PLXNA4: variants seen among roughly 807,000 people sequenced by gnomAD.
PLXNA4 encodes the protein plexin-A4.
In PLXNA4, 44 loss-of-function variants were observed where a neutral mutation model predicts 191.8. The ratio of observed to expected loss-of-function variants is 0.23; its 90% CI spans 0.18 to 0.29. The LOEUF is 0.29. Among genes scored for constraint, PLXNA4 ranks in the 10% least tolerant of loss-of-function variants. PLXNA4 has a pLI of 1.00. For synonymous variants in PLXNA4, 1,082 were observed against 1,009.5 expected (o/e 1.07, Z -1.36); for missense variants, 1,800 against 2,488.8 (o/e 0.72, Z 5.89).
chr7:132,209,708 G>A (rs967617391), intron 10 of PLXNA4, among the ~76,000 whole-genome samples: 8 of 152,130 alleles, frequency 5.3e-5, no homozygotes, highest in Admixed American at 1.3e-4. Flanking sequence ...TGCAGGAAGA[G>A]TAGAGTGTCC....
At chr7:132,531,917 T>C (rs1799629882) in intron 1 of PLXNA4, among the ~76,000 whole-genome samples, 1 of 152,232 alleles carries the variant, frequency 6.6e-6, no homozygotes, top group South Asian at 2.1e-4. Flanking sequence ...GAATCACTAA[T>C]ATACAGAATC....
chr7:132,561,172 C>T (rs1801023206), intron 1 of PLXNA4, among the ~76,000 whole-genome samples: 1 of 152,044 alleles, frequency 6.6e-6, no homozygotes. Context: ...GCTGTGCTCT[C>T]ACCTCTCTGT....
intron 4 of PLXNA4, among the ~76,000 whole-genome samples, chr7:132,270,381 AT>A (rs1293184705): frequency 6.6e-6 from 1 of 152,224 alleles, no homozygotes; most frequent in Non-Finnish European, 1.5e-5. Flanking sequence ...TATTCAATAT[AT>A]CCCCTGAGGG....
intron 4 of PLXNA4, among the ~76,000 whole-genome samples, chr7:132,267,883 G>T (rs984073676): frequency 6.6e-6 from 1 of 152,100 alleles, no homozygotes; most frequent in African/African-American, 2.4e-5. Flanking sequence ...TTAGCAGCAG[G>T]ACCTTGGCCA....
intron 3 of PLXNA4, among the ~76,000 whole-genome samples, chr7:132,482,986 CG>C (rs1048018610): frequency 2.8e-4 from 42 of 152,088 alleles, no homozygotes; most frequent in Non-Finnish European, 6.2e-4. Flanking sequence ...CCACCGCGCC[CG>C]GCCGAGAGAC....
At chr7:132,183,701 T>A (rs182645064) in intron 16 of PLXNA4, among the ~76,000 whole-genome samples, 60 of 152,344 alleles carry the variant, frequency 3.9e-4, no homozygotes, top group Admixed American at 7.8e-4. Flanking sequence ...CAGACGATTT[T>A]CCCCTCTCTG....
chr7:132,373,945 G>T (rs1260627800), intron 3 of PLXNA4, among the ~76,000 whole-genome samples: 1 of 152,138 alleles, frequency 6.6e-6, no homozygotes, highest in Non-Finnish European at 1.5e-5. Context: ...ATATATAAGA[G>T]AGGATTCCAA....
At chr7:132,197,243 G>T (rs965381652) in intron 13 of PLXNA4, among the ~76,000 whole-genome samples, 8 of 152,032 alleles carry the variant, frequency 5.3e-5, no homozygotes, top group African/African-American at 1.9e-4. Context: ...GTGTAATGTG[G>T]AATAAGGATC....
intron 3 of PLXNA4, among the ~76,000 whole-genome samples, chr7:132,313,749 A>G (rs1801838237): frequency 6.6e-6 from 1 of 152,088 alleles, no homozygotes; most frequent in Admixed American, 6.5e-5. Flanking sequence ...AGGACAATTG[A>G]GTCACTGTCA....
intron 4 of PLXNA4, among the ~76,000 whole-genome samples, chr7:132,269,585 A>G (rs1211599117): frequency 6.6e-6 from 1 of 152,160 alleles, no homozygotes; most frequent in Non-Finnish European, 1.5e-5. Context: ...TGCAGATGCA[A>G]TCCTACTGTA....
chr7:132,160,612 G>A (rs113436390), intron 24 of PLXNA4, among the ~76,000 whole-genome samples: 4 of 152,100 alleles, frequency 2.6e-5, no homozygotes, highest in Admixed American at 6.5e-5. Flanking sequence ...GAGAGGCTGG[G>A]CATCCTAGGG....
chr7:132,205,896 G>A (rs912552806), intron 10 of PLXNA4, among the ~76,000 whole-genome samples: 1 of 152,200 alleles, frequency 6.6e-6, no homozygotes, highest in Non-Finnish European at 1.5e-5. Flanking sequence ...CCCCTCTCAG[G>A]AAGGACCTGA....
intron 4 of PLXNA4, among the ~76,000 whole-genome samples, chr7:132,294,388 G>A (rs990061376): frequency 2.0e-5 from 3 of 152,230 alleles, no homozygotes; most frequent in African/African-American, 7.2e-5. Context: ...GGCAGGTGAT[G>A]AGCTTGGACA....
At chr7:132,136,821 T>C (rs993848678) in intron 30 of PLXNA4, among the ~76,000 whole-genome samples, 1 of 152,184 alleles carries the variant, frequency 6.6e-6, no homozygotes, top group Admixed American at 6.5e-5. Context: ...GAGTGAAAGA[T>C]ATTTCCAGCC....
chr7:132,284,464 G>C (rs1378570490), intron 4 of PLXNA4, among the ~76,000 whole-genome samples: 1 of 152,174 alleles, frequency 6.6e-6, no homozygotes, highest in Non-Finnish European at 1.5e-5. Context: ...GATTAAAAGG[G>C]GTTTTGAGGG....
intron 3 of PLXNA4, among the ~76,000 whole-genome samples, chr7:132,424,921 C>CT (rs1187275799): frequency 6.6e-6 from 1 of 152,234 alleles, no homozygotes; most frequent in Non-Finnish European, 1.5e-5. Context: ...CTCACCCATC[C>CT]TCCCAGGAAG....
intron 3 of PLXNA4, among the ~76,000 whole-genome samples, chr7:132,370,953 T>A (rs1804413607): frequency 1.3e-5 from 2 of 152,190 alleles, no homozygotes; most frequent in Admixed American, 6.5e-5. Flanking sequence ...CTGGTTGGCA[T>A]GAGCACCTGA....
At chr7:132,479,728 C>T (rs942325953) in intron 3 of PLXNA4, among the ~76,000 whole-genome samples, 1 of 152,222 alleles carries the variant, frequency 6.6e-6, no homozygotes. Context: ...CGGCTCACTG[C>T]AACCTCTGCC....
At chr7:132,266,897 G>A (rs1799878888) in intron 4 of PLXNA4, among the ~76,000 whole-genome samples, 1 of 152,182 alleles carries the variant, frequency 6.6e-6, no homozygotes. Flanking sequence ...TTGTGTATGG[G>A]CCATGCCACC....
Sources: allele counts gnomAD v4.1 joint callset (sites outside exome capture counted in the v4.1 genomes callset), GRCh38; gene constraint gnomAD v4.1.1; transcripts MANE v1.5; gene names NCBI Gene and HGNC (gene_info 2026-07-23, HGNC 2026-07-21).